The following ANGPT1 variants were observed in gnomAD, a reference collection of about 807,000 sequenced individuals.
The protein encoded by ANGPT1 is angiopoietin 1, also known as angiopoietin-1.
ANGPT1 carries 17 observed loss-of-function variants against 62.2 expected under a neutral mutation model. The observed-to-expected ratio is 0.27, with a 90% CI of 0.19 to 0.41. ANGPT1 has a LOEUF of 0.41. ANGPT1 is among the 10% of genes least tolerant of loss of function. The pLI, the probability that ANGPT1 is intolerant of heterozygous loss-of-function variation, is 1.00. For missense variants in ANGPT1, 478 were observed against 594.9 expected (o/e 0.80, Z 2.04); for synonymous variants, 199 against 198.9 (o/e 1.00, Z 0.00).
chr8:107,467,533 T>C (rs1812235422), intron 1 of ANGPT1, among the ~76,000 whole-genome samples: 1 of 152,034 alleles, frequency 6.6e-6, no homozygotes, highest in South Asian at 2.1e-4. Context: ...TAATTGGGAT[T>C]TTATGATCCA....
At chr8:107,301,707 C>T (rs1238012068) in intron 5 of ANGPT1, among the ~76,000 whole-genome samples, 1 of 151,914 alleles carries the variant, frequency 6.6e-6, no homozygotes, top group African/African-American at 2.4e-5. Context: ...GTCCTCCCTC[C>T]TGTGCCCACT....
At position 107,250,167 on chromosome 8, in the gene ANGPT1, C is replaced by T. The variant is rs1423133888; in HGVS notation, c.*1688G>A. 6.6e-6 allele frequency: 1 copy of T among 152,194 alleles called. No individual in the cohort carries two copies. Among genetic ancestry groups the T allele is most frequent in the East Asian group, 1.9e-4 (1 of 5,198 alleles). 9.4% of individuals were successfully genotyped at this position (152,194 alleles called of 1,614,324 possible). The stretch of plus-strand genomic sequence containing the variant: ...ACTGGTATTGCTACCTTGCCAACAA[C>T]TGTCTCTTTTATGAGAGGAGGCCCA... On this transcript the variant is annotated 3_prime_UTR_variant, in exon 9 of 9. Coordinates refer to ENST00000517746, the MANE Select transcript of ANGPT1 (RefSeq NM_001146.5).
At chr8:107,326,865 A>C (rs1815302189) in intron 3 of ANGPT1, among the ~76,000 whole-genome samples, 1 of 152,162 alleles carries the variant, frequency 6.6e-6, no homozygotes, top group South Asian at 2.1e-4. Flanking sequence ...ATAAAAAGCC[A>C]TGTCTTCTAA....
chr8:107,410,524 C>T (rs1483883621), intron 1 of ANGPT1, among the ~76,000 whole-genome samples: 1 of 152,120 alleles, frequency 6.6e-6, no homozygotes, highest in African/African-American at 2.4e-5. Flanking sequence ...TGCAGCTAGA[C>T]ACTAATTGTT....
chr8:107,283,997 T>C (rs1814078375), intron 7 of ANGPT1: 1 of 152,188 alleles, frequency 6.6e-6, no homozygotes, highest in Non-Finnish European at 1.5e-5. Context: ...CCACATCACA[T>C]TATTTCCTTA....
chr8:107,385,393 C>T (rs1207488502), intron 1 of ANGPT1, among the ~76,000 whole-genome samples: 1 of 151,920 alleles, frequency 6.6e-6, no homozygotes, highest in African/African-American at 2.4e-5. Flanking sequence ...TTTGTGGCTA[C>T]TGTGAATAGG....
At chr8:107,289,315 T>C (rs987699186) in intron 6 of ANGPT1, among the ~76,000 whole-genome samples, 4 of 152,128 alleles carry the variant, frequency 2.6e-5, no homozygotes, top group Admixed American at 6.6e-5. Flanking sequence ...ATGTTCAATT[T>C]TGGTTTGTGC....
At chr8:107,346,507 A>C (rs766359305) in intron 2 of ANGPT1, among the ~76,000 whole-genome samples, 1 of 152,134 alleles carries the variant, frequency 6.6e-6, no homozygotes, top group Non-Finnish European at 1.5e-5. Flanking sequence ...TCATAACTTC[A>C]TTTGAGATTG....
chr8:107,281,208 T>A (rs1176297747), intron 7 of ANGPT1, among the ~76,000 whole-genome samples: 1 of 152,140 alleles, frequency 6.6e-6, no homozygotes, highest in African/African-American at 2.4e-5. Flanking sequence ...TGATAAATGT[T>A]TTTTTAAAAA....
rs1176744755 is a variant in ANGPT1 at position 107,451,408 on chromosome 8, C to T, written c.297+45854G>A. Among the ~76,000 whole-genome samples the T allele has an allele frequency of 2.0e-5, 3 of 151,686 alleles. No individual in the cohort carries two copies. The East Asian group carries it at 5.8e-4, about 29-fold the overall frequency. On this transcript the variant is annotated intron_variant, in intron 1 of 8. Transcript: ENST00000517746. The stretch of plus-strand genomic sequence containing the variant: ...AATATCTTCCAGAGAATACCATTGG[C>T]CCTAAGAGAGTTCAGCTTTAATAGA...
At chr8:107,451,364 A>G (rs1411123667) in intron 1 of ANGPT1, among the ~76,000 whole-genome samples, 3 of 151,458 alleles carry the variant, frequency 2.0e-5, no homozygotes, top group African/African-American at 4.8e-5. Context: ...TTTTATTTCA[A>G]CCTTATGATA....
At chr8:107,285,692 G>A (rs1204818835) in intron 6 of ANGPT1, among the ~76,000 whole-genome samples, 1 of 152,060 alleles carries the variant, frequency 6.6e-6, no homozygotes, top group African/African-American at 2.4e-5. Context: ...AGCGCTTAAT[G>A]TTGGAGATGT....
intron 8 of ANGPT1, among the ~76,000 whole-genome samples, chr8:107,257,348 C>G (rs1384380393): frequency 6.6e-6 from 1 of 152,070 alleles, no homozygotes; most frequent in Non-Finnish European, 1.5e-5. Flanking sequence ...TGTCTTTTAT[C>G]TTTGAAGCAG....
At chr8:107,370,407 A>AGGAAG (rs140778101) in intron 1 of ANGPT1, among the ~76,000 whole-genome samples, 10,979 of 71,920 alleles carry the variant, frequency 0.15, 3,752 homozygotes, top group Middle Eastern at 0.24. Flanking sequence ...AAAGAAAGAA[A>AGGAAG]GAGTCAGGGT....
chr8:107,443,850 C>A (rs1811543126), intron 1 of ANGPT1, among the ~76,000 whole-genome samples: 2 of 150,918 alleles, frequency 1.3e-5, no homozygotes, highest in Non-Finnish European at 3.0e-5. Flanking sequence ...TACTAGTATA[C>A]CACTCTAACC....
At chr8:107,323,932 A>G (rs10095247) in intron 3 of ANGPT1, among the ~76,000 whole-genome samples, 1 of 151,914 alleles carries the variant, frequency 6.6e-6, no homozygotes, top group Admixed American at 6.6e-5. Context: ...GGCGCCTGCC[A>G]CCATGCCCAG....
chr8:107,307,166 T>C (rs1346560391), intron 4 of ANGPT1, among the ~76,000 whole-genome samples: 1 of 152,086 alleles, frequency 6.6e-6, no homozygotes, highest in Non-Finnish European at 1.5e-5. Flanking sequence ...AGAATTTAGA[T>C]CCCTGCCATT....
chr8:107,323,458 T>C (rs1392172661), intron 3 of ANGPT1, among the ~76,000 whole-genome samples: 2 of 152,180 alleles, frequency 1.3e-5, no homozygotes, highest in Admixed American at 6.5e-5. Flanking sequence ...ACTTAAATTA[T>C]AAAATAGAGC....
chr8:107,452,350 G>C (rs1231763901), intron 1 of ANGPT1, among the ~76,000 whole-genome samples: 2 of 151,652 alleles, frequency 1.3e-5, no homozygotes, highest in Non-Finnish European at 2.9e-5. Context: ...AAAAGCTGTG[G>C]ATCCCAGTTT....
Sources: gnomAD v4.1 joint callset for allele counts (sites outside exome capture counted in the v4.1 genomes callset) on GRCh38, gnomAD v4.1.1 for gene constraint, MANE v1.5 for transcripts, NCBI Gene and HGNC (gene_info 2026-07-23, HGNC 2026-07-21) for gene names.